Variants in SYNDIG1 observed in about 807,000 individuals in gnomAD.
The protein encoded by SYNDIG1 is synapse differentiation inducing 1.
Under a neutral mutation model 19.4 loss-of-function variants are expected in SYNDIG1, and 9 were observed. The observed-to-expected ratio is 0.46, with a 90% CI of 0.28 to 0.81. The LOEUF (loss-of-function observed/expected upper bound fraction) is 0.81, where lower values mean the gene tolerates loss of function less well. SYNDIG1 is among the 30% of genes least tolerant of loss of function. The probability of loss-of-function intolerance (pLI) is 0.12; values close to 1 mark genes in which losing one functional copy is unlikely to be tolerated. For synonymous variants in SYNDIG1, 141 were observed against 145.9 expected, an observed-to-expected ratio of 0.97 and a Z score of 0.24; for missense variants, 311 against 343.3, an observed-to-expected ratio of 0.91 and a Z score of 0.74.
At chr20:24,525,286 CTTTTTTTTTTTTTTT>C (rs11471122) in intron 1 of SYNDIG1, among the ~76,000 whole-genome samples, 2 of 106,556 alleles carry the variant, frequency 1.9e-5, no homozygotes, top group Non-Finnish European at 3.8e-5. Flanking sequence ...TCTTCTTCTT[CTTTTTTTTTTTTTTT>C]TTTTTTTTGA....
chr20:24,574,880 G>A (rs75490097), intron 2 of SYNDIG1, among the ~76,000 whole-genome samples: 10 of 152,324 alleles, frequency 6.6e-5, no homozygotes, highest in Non-Finnish European at 1.3e-4. Flanking sequence ...TAGGGCCGTC[G>A]TTAGGTGCTA....
intron 1 of SYNDIG1, among the ~76,000 whole-genome samples, chr20:24,505,571 G>T (rs2056568845): frequency 6.6e-6 from 1 of 152,178 alleles, no homozygotes; most frequent in African/African-American, 2.4e-5. Context: ...AATTTAAATT[G>T]CAGAGCAGAC....
chr20:24,502,522 C>G (rs2056480240), intron 1 of SYNDIG1, among the ~76,000 whole-genome samples: 1 of 152,236 alleles, frequency 6.6e-6, no homozygotes, highest in Admixed American at 6.5e-5. Flanking sequence ...GACAGAATCT[C>G]TCAGAATCCT....
intron 1 of SYNDIG1, among the ~76,000 whole-genome samples, chr20:24,500,661 C>G (rs1038619508): frequency 2.6e-5 from 4 of 152,036 alleles, no homozygotes; most frequent in African/African-American, 9.7e-5. Context: ...TGTGTGCAGA[C>G]ACCACAGCAT....
chr20:24,551,430 G>C (rs563814330), intron 2 of SYNDIG1, among the ~76,000 whole-genome samples: 1 of 152,128 alleles, frequency 6.6e-6, no homozygotes, highest in South Asian at 2.1e-4. Flanking sequence ...TTTTCAAATA[G>C]CTGACTTCTG....
intron 2 of SYNDIG1, among the ~76,000 whole-genome samples, chr20:24,569,271 T>G (rs1245645144): frequency 6.6e-6 from 1 of 151,940 alleles, no homozygotes. Flanking sequence ...GACAGGAGAG[T>G]GACTCGTGTG....
Position 24,558,402 on chromosome 20 carries a change from T to C in SYNDIG1, c.480+14825T>C, listed in dbSNP as rs73902587. Among the ~76,000 whole-genome samples the C allele has an allele frequency of 8.5e-4, 130 of 152,222 alleles. 1 individual carries two copies. Among genetic ancestry groups the C allele is most frequent in the African/African-American group, 3.0e-3 (124 of 41,556 alleles). ...TTATTATTGTTTGTGTGATGTATCT[T>C]TTCCTATCCTTTTACTTACAATTGA... On this transcript the variant is annotated intron_variant, in intron 2 of 3. Transcript: ENST00000376862.
intron 3 of SYNDIG1, among the ~76,000 whole-genome samples, chr20:24,627,640 C>G (rs1223076259): frequency 6.6e-6 from 1 of 152,274 alleles, no homozygotes; most frequent in African/African-American, 2.4e-5. Flanking sequence ...GTTCCCGGGA[C>G]TGGAACTGAC....
chr20:24,547,136 C>T (rs1362236715), intron 2 of SYNDIG1, among the ~76,000 whole-genome samples: 1 of 152,080 alleles, frequency 6.6e-6, no homozygotes, highest in African/African-American at 2.4e-5. Context: ...AGGGCCCCCT[C>T]ATTGCCCTGG....
chr20:24,492,291 G>C (rs1036597247), intron 1 of SYNDIG1, among the ~76,000 whole-genome samples: 1 of 152,204 alleles, frequency 6.6e-6, no homozygotes, highest in South Asian at 2.1e-4. Flanking sequence ...AGCAGCCCTT[G>C]AGCCTGGCCT....
At chr20:24,610,410 G>T (rs1282131734) in intron 3 of SYNDIG1, among the ~76,000 whole-genome samples, 1 of 152,180 alleles carries the variant, frequency 6.6e-6, no homozygotes, top group South Asian at 2.1e-4. Flanking sequence ...ATCACCCGCC[G>T]TGGGCACTCG....
intron 2 of SYNDIG1, among the ~76,000 whole-genome samples, chr20:24,550,175 GA>G (rs1359981842): frequency 2.6e-5 from 4 of 152,126 alleles, no homozygotes; most frequent in Non-Finnish European, 5.9e-5. Context: ...GTATTTCCCT[GA>G]TTCCTGTCCT....
At chr20:24,498,091 C>A (rs2146354669) in intron 1 of SYNDIG1, among the ~76,000 whole-genome samples, 1 of 152,336 alleles carries the variant, frequency 6.6e-6, no homozygotes. Flanking sequence ...TCTCACAGCC[C>A]AGCCTTTAAA....
At chr20:24,493,367 C>A (rs2056208871) in intron 1 of SYNDIG1, among the ~76,000 whole-genome samples, 1 of 151,948 alleles carries the variant, frequency 6.6e-6, no homozygotes, top group African/African-American at 2.4e-5. Context: ...AACACGCATG[C>A]ACACACACAT....
chr20:24,662,114 G>A (rs1209398707), intron 3 of SYNDIG1, among the ~76,000 whole-genome samples: 1 of 151,904 alleles, frequency 6.6e-6, no homozygotes, highest in Non-Finnish European at 1.5e-5. Flanking sequence ...CTAAGGAGGT[G>A]TGACCCAGCG....
intron 1 of SYNDIG1, among the ~76,000 whole-genome samples, chr20:24,520,576 C>G (rs1413749341): frequency 6.6e-6 from 1 of 151,808 alleles, no homozygotes; most frequent in Non-Finnish European, 1.5e-5. Flanking sequence ...GCCTGTAATC[C>G]CAGCTGCTCA....
chr20:24,641,270 ATGATGGATGGATGGAT>A (rs1479304373), intron 3 of SYNDIG1, among the ~76,000 whole-genome samples: 1 of 152,152 alleles, frequency 6.6e-6, no homozygotes, highest in Non-Finnish European at 1.5e-5. Flanking sequence ...GAAAAAGATG[ATGATGGATGGATGGAT>A]TGATGGATGG....
Position 24,560,063 on chromosome 20 carries a change from C to CTTTTT in SYNDIG1, c.480+16510_480+16514dup, listed in dbSNP as rs60892856. ...TTTTTTTTAACATTTCTCTCCTCTCCTTTTTTTTTTTTTTTTTTTTTTTTT... is the reference window on the plus strand; with the variant it reads ...TTTTTTTTAACATTTCTCTCCTCTCCTTTTTTTTTTTTTTTTTTTTTTTTTTTTTT... On this transcript the variant is annotated intron_variant, in intron 2 of 3. Transcript: ENST00000376862. Among the ~76,000 whole-genome samples the CTTTTT allele has an allele frequency of 1.6e-3, 71 of 43,048 alleles. 24 individuals carry two copies. The highest frequency in any genetic ancestry group is 1.8e-3 in the Non-Finnish European group (49 of 27,158). The allele number at this position is 43,048 out of a possible 152,430, so 28.2% of individuals were successfully genotyped here. A position where few individuals can be genotyped will look rare whatever the true frequency, so the allele number is the denominator to read the frequency against.
intron 3 of SYNDIG1, among the ~76,000 whole-genome samples, chr20:24,595,524 G>A (rs1421621720): frequency 6.6e-6 from 1 of 152,202 alleles, no homozygotes; most frequent in African/African-American, 2.4e-5. Flanking sequence ...ATGTGTTAAG[G>A]AGGAGTCCCT....
Sources: gnomAD v4.1 joint callset for allele counts (sites outside exome capture counted in the v4.1 genomes callset) on GRCh38, gnomAD v4.1.1 for gene constraint, MANE v1.5 for transcripts, NCBI Gene and HGNC (gene_info 2026-07-23, HGNC 2026-07-21) for gene names.